The following BTG3 variants were observed in gnomAD, a reference collection of about 807,000 sequenced individuals.
BTG3 encodes the protein protein BTG3.
In BTG3, 4 loss-of-function variants were observed where a neutral mutation model predicts 25.8. The ratio of observed to expected loss-of-function variants is 0.16; its 90% CI spans 0.08 to 0.36. The LOEUF (loss-of-function observed/expected upper bound fraction) is 0.36, where lower values mean the gene tolerates loss of function less well. Ranked by LOEUF, BTG3 falls within the 10% of genes least tolerant of loss-of-function variation. The pLI is 1.00. For missense variants in BTG3, 201 were observed against 304.9 expected, an observed-to-expected ratio of 0.66 and a Z score of 2.54; for synonymous variants, 107 against 99.9, an observed-to-expected ratio of 1.07 and a Z score of -0.42.
intron 3 of BTG3, among the ~76,000 whole-genome samples, chr21:17,601,524 TAAAAC>T (rs1348485022): frequency 6.6e-6 from 1 of 152,164 alleles, no homozygotes; most frequent in South Asian, 2.1e-4. Context: ...ACCCTCTCTC[TAAAAC>T]AAAACAAAAC....
rs1172717703 is a variant in BTG3, at chr21:17,593,814, C to T, written c.*279G>A. 11 of 353,932 alleles carry T rather than the reference C, an allele frequency of 3.1e-5. No individual in the cohort carries two copies. The highest frequency in any genetic ancestry group is 1.1e-4 in the East Asian group (2 of 17,840). 21.9% of individuals were successfully genotyped at this position (353,932 alleles called of 1,614,324 possible). Reference sequence around the variant, plus strand: ...AAATCGTCCACTTCTACAGTGTTCTCGTATCCAACAGAGTTGATGCACAAT... The same window carrying T: ...AAATCGTCCACTTCTACAGTGTTCTTGTATCCAACAGAGTTGATGCACAAT... On this transcript the variant is annotated 3_prime_UTR_variant, in exon 5 of 5. Coordinates refer to ENST00000348354, the MANE Select transcript of BTG3 (RefSeq NM_006806.5).
chr21:17,606,345 A>G (rs2061641974), intron 2 of BTG3, among the ~76,000 whole-genome samples: 1 of 152,134 alleles, frequency 6.6e-6, no homozygotes, highest in South Asian at 2.1e-4. Flanking sequence ...TTAATACTCA[A>G]CCCTGTATAT....
chr21:17,600,974 C>T (rs754853331), intron 3 of BTG3, among the ~76,000 whole-genome samples: 7 of 152,112 alleles, frequency 4.6e-5, no homozygotes, highest in Admixed American at 6.5e-5. Context: ...CCAGCCTGGC[C>T]AACATGGTGA....
chr21:17,605,858 G>C (rs2824389), intron 2 of BTG3, among the ~76,000 whole-genome samples: 48,303 of 152,018 alleles, frequency 0.32, 7,776 homozygotes, highest in East Asian at 0.41. Context: ...ACTAATCCTA[G>C]TATTTATCAG....
chr21:17,611,206 TTAATA>T (rs2061718039), intron 1 of BTG3, among the ~76,000 whole-genome samples: 1 of 152,264 alleles, frequency 6.6e-6, no homozygotes, highest in East Asian at 1.9e-4. Flanking sequence ...CCAAGGCAAT[TTAATA>T]TACGGGTTGG....
At chr21:17,604,128 ATCAC>A in intron 3 of BTG3, 1 of 1,285,392 alleles carries the variant, frequency 7.8e-7, no homozygotes, top group Middle Eastern at 2.2e-4. Context: ...ACCACGAAGT[ATCAC>A]TCAGTCACTT....
At chr21:17,598,146 CTT>C (rs955901893) in intron 4 of BTG3, among the ~76,000 whole-genome samples, 67 of 152,170 alleles carry the variant, frequency 4.4e-4, no homozygotes, top group Non-Finnish European at 2.2e-4. Context: ...AGCTATATGA[CTT>C]TTCAACTAGT....
At chr21:17,606,595 T>C (rs2061645722) in intron 2 of BTG3, among the ~76,000 whole-genome samples, 1 of 152,042 alleles carries the variant, frequency 6.6e-6, no homozygotes, top group Non-Finnish European at 1.5e-5. Flanking sequence ...TGATACAGGC[T>C]CTAAGCTTAC....
chr21:17,593,960 T>G lies in BTG3; in HGVS notation c.*133A>C. On this transcript the variant is annotated 3_prime_UTR_variant, in exon 5 of 5. Coordinates refer to ENST00000348354, the MANE Select transcript of BTG3 (RefSeq NM_006806.5). The stretch of plus-strand genomic sequence containing the variant: ...TTTAAGAAAGATTATTCTCAATAAC[T>G]TCTATAAAAATAAGTTTGATGGTTT... 1 of 1,080,246 alleles carries G rather than the reference T, an allele frequency of 9.3e-7. No homozygotes were observed. Among genetic ancestry groups the G allele is most frequent in the Non-Finnish European group, 1.3e-6 (1 of 778,986 alleles). The allele number at this position is 1,080,246 out of a possible 1,614,324, so 66.9% of individuals were successfully genotyped here.
chr21:17,612,514 C>G (rs1002937899), intron 1 of BTG3, 185 bp downstream of exon 1: 1 of 152,150 alleles, frequency 6.6e-6, no homozygotes, highest in Admixed American at 6.5e-5. Context: ...GCCCTCGCGG[C>G]CCGCAGCCCC....
At chr21:17,596,556 T>C (rs1057021146) in intron 4 of BTG3, among the ~76,000 whole-genome samples, 32 of 152,108 alleles carry the variant, frequency 2.1e-4, no homozygotes, top group African/African-American at 7.5e-4. Flanking sequence ...CCCCATTGAA[T>C]TGCTTTGGCA....
In BTG3 at chr21:17,594,232, G is replaced by A. The variant is rs756169731; in HGVS notation, c.620C>T (p.Pro207Leu). 1.4e-5 allele frequency: 22 copies of A among 1,613,232 alleles called. No homozygotes were observed. Among genetic ancestry groups the A allele is most frequent in the Non-Finnish European group, 1.8e-5 (21 of 1,179,432 alleles). ...ATTTGGATAACCAAATGGAACAGGAGGAGGATAGTGATTCTGATGGCCATT... is the reference window on the plus strand; with the variant it reads ...ATTTGGATAACCAAATGGAACAGGAAGAGGATAGTGATTCTGATGGCCATT... ...RGNGHQNHYP[P>L]PVPFGYPNQG... The change falls in exon 5 of 5, where the codon CCT (proline) becomes CTT (leucine). Residue 207 changes from proline to leucine, a missense_variant. Coordinates refer to ENST00000348354, the MANE Select transcript of BTG3 (RefSeq NM_006806.5).
chr21:17,600,260 A>G (rs2061555588), intron 3 of BTG3, among the ~76,000 whole-genome samples: 1 of 152,100 alleles, frequency 6.6e-6, no homozygotes, highest in Non-Finnish European at 1.5e-5. Flanking sequence ...CACAGTGTCA[A>G]CACTATCAAA....
chr21:17,595,483 C>T (rs1302134345), intron 4 of BTG3, among the ~76,000 whole-genome samples: 1 of 151,884 alleles, frequency 6.6e-6, no homozygotes, highest in Non-Finnish European at 1.5e-5. Context: ...TAGAGATATT[C>T]TATCCACATC....
intron 3 of BTG3, 125 bp from the exon 4 acceptor site, chr21:17,598,949 T>C (rs2061537616): frequency 1.4e-6 from 1 of 729,216 alleles, no homozygotes. Context: ...TCACAGAACT[T>C]GACCCTACAC....
At chr21:17,605,191 T>A in intron 2 of BTG3, 194 bp from the exon 3 acceptor site, 1 of 572,076 alleles carries the variant, frequency 1.7e-6, no homozygotes, top group East Asian at 3.3e-5. Context: ...GAAAAAAAGA[T>A]GGCACCTATG....
chr21:17,604,214 G>C (rs770143908), intron 3 of BTG3: 1 of 870,996 alleles, frequency 1.1e-6, no homozygotes, highest in African/African-American at 1.9e-5. Flanking sequence ...AGGCCAAGGC[G>C]GGCGGATCAC....
At chr21:17,598,540 A>G in intron 4 of BTG3, 77 bp downstream of exon 4, 1 of 1,235,314 alleles carries the variant, frequency 8.1e-7, no homozygotes, top group South Asian at 1.4e-5. Flanking sequence ...AACCTTGGGC[A>G]ATGCCAAGTA....
chr21:17,594,054 C>T lies in BTG3; in HGVS notation c.*39G>A, dbSNP rs764805944. The T allele has an allele frequency of 1.4e-4, 217 of 1,596,500 alleles. 1 individual carries two copies. The highest frequency in any genetic ancestry group is 1.1e-4 in the Non-Finnish European group (127 of 1,171,056). ...TAATGTGTAGTAAGGTTTATTCTAC[C>T]TTTTTCTCAACATGACACCAACACA... On this transcript the variant is annotated 3_prime_UTR_variant, in exon 5 of 5. Coordinates refer to ENST00000348354, the MANE Select transcript of BTG3 (RefSeq NM_006806.5).
Sources: allele counts gnomAD v4.1 joint callset (sites outside exome capture counted in the v4.1 genomes callset), GRCh38; gene constraint gnomAD v4.1.1; transcripts MANE v1.5; gene names NCBI Gene and HGNC (gene_info 2026-07-23, HGNC 2026-07-21).